The following CCNH variants were observed in gnomAD, a reference collection of about 807,000 sequenced individuals.
CCNH encodes the protein cyclin H, also known as cyclin-H.
Under a neutral mutation model 41.9 loss-of-function variants are expected in CCNH, and 31 were observed. That is an observed-to-expected ratio of 0.74 (90% CI 0.56 to 1.00). CCNH has a LOEUF of 1.00. CCNH is among the 50% of genes least tolerant of loss of function. The pLI is 0.00. For missense variants in CCNH, 362 were observed against 388.4 expected (o/e 0.93, Z 0.57); for synonymous variants, 138 against 136.1 (o/e 1.01, Z -0.10).
downstream of CCNH, chr5:87,393,868 T>TTGA (rs1762707542): frequency 6.6e-6 from 1 of 152,274 alleles, no homozygotes; most frequent in South Asian, 2.1e-4. Context: ...GCGTAAGAGT[T>TTGA]TGATGTAGAC....
In CCNH at chr5:87,331,624, C is replaced by T. The variant is rs1580280442; in HGVS notation, c.*91-12727G>A. 3.7e-6 allele frequency: 4 copies of T among 1,089,500 alleles called. No individual in the cohort carries two copies. The East Asian group carries it at 1.0e-4, about 28-fold the overall frequency. The allele number at this position is 1,089,500 out of a possible 1,614,324, so 67.5% of individuals were successfully genotyped here. ...AATAATAGAGAAGGAAGCTTGTTTT[C>T]AGTCAAATGATTTAATCAGTGATTT... On this transcript the variant is annotated intron_variant and NMD_transcript_variant, in intron 9 of 9. Coordinates refer to the CCNH transcript ENST00000645953.
downstream of CCNH, among the ~76,000 whole-genome samples, chr5:87,387,876 A>C (rs143947506): frequency 2.7e-3 from 406 of 152,300 alleles, 5 homozygotes; most frequent in East Asian, 8.5e-3. Flanking sequence ...AATCATTGGA[A>C]AATATTTTTA....
At chr5:87,332,664 T>C (rs1580282882) in intron 9 of CCNH, 2 of 1,597,456 alleles carry the variant, frequency 1.3e-6, no homozygotes, top group Non-Finnish European at 1.7e-6. Flanking sequence ...GAATAAAATA[T>C]CTTTCAAAAC....
At chr5:87,350,649 A>G (rs1386133891) in intron 9 of CCNH, among the ~76,000 whole-genome samples, 1 of 151,610 alleles carries the variant, frequency 6.6e-6, no homozygotes, top group African/African-American at 2.4e-5. Context: ...ATGATGGAAC[A>G]TGAAAAAAGA....
At chr5:87,376,946 A>C (rs1761368762) in exon 1 of CCNH, 1 of 1,611,056 alleles carries the variant, frequency 6.2e-7, no homozygotes, top group Non-Finnish European at 8.5e-7. Flanking sequence ...AAGACCGAAC[A>C]CTACTGGCCA....
In CCNH at chr5:87,349,460, TAACTTCTAA is replaced by T. The variant is rs898498049; in HGVS notation, c.*91-30572_*91-30564del. The T allele has an allele frequency of 9.3e-6, 13 of 1,397,652 alleles. No homozygotes were observed. In the Admixed American group the frequency reaches 1.5e-4, roughly 16 times the overall value. 86.6% of individuals were successfully genotyped at this position (1,397,652 alleles called of 1,614,324 possible). ...AGAGTCAAAATTATATAAAAGTTTC[TAACTTCTAA>T]AAATTATAAGACCTTCAATATAATT... On this transcript the variant is annotated intron_variant and NMD_transcript_variant, in intron 9 of 9. Coordinates refer to the CCNH transcript ENST00000645953.
chr5:87,359,554 C>G (rs536305804), intron 9 of CCNH, among the ~76,000 whole-genome samples: 1 of 152,006 alleles, frequency 6.6e-6, no homozygotes, highest in East Asian at 1.9e-4. Context: ...TATTTAAATC[C>G]AAATATTAGT....
intron 8 of CCNH, 69 bp from the exon 9 acceptor site, chr5:87,394,553 CCTTT>C (rs1332478343): frequency 6.3e-7 from 1 of 1,591,908 alleles, no homozygotes; most frequent in African/African-American, 1.4e-5. Flanking sequence ...CTCTTACCTC[CCTTT>C]AAGAAAATGT....
chr5:87,337,897 A>G, intron 9 of CCNH: 3 of 1,413,308 alleles, frequency 2.1e-6, no homozygotes, highest in Non-Finnish European at 2.9e-6. Context: ...TCCCTATCCT[A>G]TTTTGTGGTA....
intron 9 of CCNH, among the ~76,000 whole-genome samples, chr5:87,385,106 TTTAA>T (rs1467053025): frequency 6.6e-6 from 1 of 152,140 alleles, no homozygotes; most frequent in African/African-American, 2.4e-5. Flanking sequence ...CTTTTTCTCT[TTTAA>T]TTCAAGTTCT....
chr5:87,319,664 C>T (rs1437963492), intron 9 of CCNH, among the ~76,000 whole-genome samples: 1 of 152,200 alleles, frequency 6.6e-6, no homozygotes, highest in Non-Finnish European at 1.5e-5. Context: ...GCCCATGAAA[C>T]CATTTTTCCC....
At chr5:87,411,199 A>G (rs780769856) in intron 2 of CCNH, 25 bp downstream of exon 2, 8 of 1,595,206 alleles carry the variant, frequency 5.0e-6, no homozygotes, top group Non-Finnish European at 6.8e-6. Context: ...AAAGGACATT[A>G]TATTTCATCA....
chr5:87,379,712 T>C, upstream of CCNH: 1 of 1,609,622 alleles, frequency 6.2e-7, no homozygotes. Flanking sequence ...CATGCATTTA[T>C]ATTGATTTAT....
chr5:87,320,091 A>G (rs1026498818), intron 9 of CCNH, among the ~76,000 whole-genome samples: 1 of 152,178 alleles, frequency 6.6e-6, no homozygotes, highest in African/African-American at 2.4e-5. Context: ...AAATCATAGC[A>G]AGAGTGACCG....
intron 9 of CCNH, among the ~76,000 whole-genome samples, chr5:87,336,709 A>G (rs1423725480): frequency 2.0e-5 from 3 of 152,122 alleles, no homozygotes; most frequent in African/African-American, 7.2e-5. Context: ...AATGAAATTT[A>G]CCAGTTCATG....
At chr5:87,404,708 C>G (rs1168186113) in intron 5 of CCNH, 136 bp downstream of exon 5, 22 of 677,638 alleles carry the variant, frequency 3.2e-5, no homozygotes, top group Non-Finnish European at 4.8e-6. Context: ...AAGATTTCCT[C>G]AAAAGGCAAT....
intron 9 of CCNH, among the ~76,000 whole-genome samples, chr5:87,384,493 T>G (rs2112510937): frequency 6.6e-6 from 1 of 152,300 alleles, no homozygotes. Flanking sequence ...TCTTAATTTT[T>G]ACTTCTATAT....
downstream of CCNH, chr5:87,372,309 T>C (rs185188734): frequency 1.1e-6 from 1 of 913,818 alleles, no homozygotes; most frequent in African/African-American, 1.7e-5. Context: ...TAAGCCATGC[T>C]GCCACTTGCT....
chr5:87,351,208 A>G (rs1182270416), intron 9 of CCNH, among the ~76,000 whole-genome samples: 1 of 151,738 alleles, frequency 6.6e-6, no homozygotes, highest in African/African-American at 2.4e-5. Flanking sequence ...GAGGCATTTA[A>G]TAGCAAATTT....
Sources: gnomAD v4.1 joint callset for allele counts (sites outside exome capture counted in the v4.1 genomes callset) on GRCh38, gnomAD v4.1.1 for gene constraint, MANE v1.5 for transcripts, NCBI Gene and HGNC (gene_info 2026-07-23, HGNC 2026-07-21) for gene names.